Variants in CACNB4 observed in about 807,000 individuals in gnomAD.
CACNB4 encodes voltage-dependent L-type calcium channel subunit beta-4.
In CACNB4, 32 loss-of-function variants were observed where a neutral mutation model predicts 71.2. The observed-to-expected ratio is 0.45, with a 90% CI of 0.34 to 0.60. The LOEUF (loss-of-function observed/expected upper bound fraction) is 0.60. Among genes scored for constraint, CACNB4 ranks in the 20% least tolerant of loss-of-function variants. The pLI, the probability that CACNB4 is intolerant of heterozygous loss-of-function variation, is 0.01. For synonymous variants in CACNB4, 231 were observed against 236.9 expected, an observed-to-expected ratio of 0.97 and a Z score of 0.23; for missense variants, 464 against 647.9, an observed-to-expected ratio of 0.72 and a Z score of 3.08.
chr2:152,065,825 T>C (rs1037885295), intron 2 of CACNB4, among the ~76,000 whole-genome samples: 2 of 152,266 alleles, frequency 1.3e-5, no homozygotes, highest in Admixed American at 1.3e-4. Context: ...CACTGCAACC[T>C]CCAATTCCTG....
chr2:152,085,587 C>T (rs1359657805), intron 2 of CACNB4, among the ~76,000 whole-genome samples: 1 of 152,060 alleles, frequency 6.6e-6, no homozygotes, highest in East Asian at 1.9e-4. Context: ...CCCGGCTGGT[C>T]TCCACAGCTC....
At chr2:152,023,799 T>C (rs187247499) in intron 2 of CACNB4, among the ~76,000 whole-genome samples, 5 of 152,320 alleles carry the variant, frequency 3.3e-5, no homozygotes, top group Admixed American at 3.3e-4. Flanking sequence ...ACCGAAGCAA[T>C]GTGTGAAAAC....
intron 2 of CACNB4, among the ~76,000 whole-genome samples, chr2:151,958,543 T>C (rs1235773328): frequency 1.3e-5 from 2 of 152,218 alleles, no homozygotes; most frequent in Non-Finnish European, 2.9e-5. Context: ...CTCAGTGGCA[T>C]CACTGTCCAA....
chr2:152,050,491 C>T (rs1248294419), intron 2 of CACNB4, among the ~76,000 whole-genome samples: 1 of 152,148 alleles, frequency 6.6e-6, no homozygotes, highest in Non-Finnish European at 1.5e-5. Flanking sequence ...GTCGTTCAGA[C>T]CATTAACATT....
rs757646576 is a variant in CACNB4 at position 151,967,661 on chromosome 2, A to C, written c.148-84291T>G. 5.9e-5 allele frequency: 8 copies of C among 136,044 alleles called. No homozygotes were observed. In the Admixed American group the frequency reaches 6.0e-4, roughly 10 times the overall value. The allele number at this position is 136,044 out of a possible 1,614,324, so 8.4% of individuals were successfully genotyped here. On this transcript the variant is annotated intron_variant, in intron 2 of 13. Transcript: ENST00000539935. The stretch of plus-strand genomic sequence containing the variant: ...ATAACAGGCATAAGAAAGGCAAAAT[A>C]AGAGAACTGTTGTTTTTTTTTTTCC...
intron 2 of CACNB4, among the ~76,000 whole-genome samples, chr2:152,049,442 C>T (rs1685304764): frequency 6.6e-6 from 1 of 152,290 alleles, no homozygotes; most frequent in Non-Finnish European, 1.5e-5. Context: ...TGAGCCACTG[C>T]ACCCGGCCTG....
At chr2:152,045,909 A>C (rs1174137298) in intron 2 of CACNB4, among the ~76,000 whole-genome samples, 1 of 152,250 alleles carries the variant, frequency 6.6e-6, no homozygotes, top group Non-Finnish European at 1.5e-5. Context: ...ACATAGCTTG[A>C]AATAGAGGGG....
chr2:151,917,674 T>C (rs185642723), intron 2 of CACNB4, among the ~76,000 whole-genome samples: 5 of 151,736 alleles, frequency 3.3e-5, no homozygotes, highest in Admixed American at 2.0e-4. Flanking sequence ...CCATCTCTAC[T>C]AAAAATACAA....
At chr2:152,039,190 C>T (rs1251459819) in intron 2 of CACNB4, among the ~76,000 whole-genome samples, 2 of 151,896 alleles carry the variant, frequency 1.3e-5, no homozygotes, top group Non-Finnish European at 2.9e-5. Context: ...AGGCCGAGGC[C>T]GATGGATCAC....
rs894065675 is a variant in CACNB4, at chr2:151,939,188, G to C, written c.148-55818C>G. Among the ~76,000 whole-genome samples, 3 of 152,210 alleles carry C rather than the reference G, an allele frequency of 2.0e-5. No homozygotes were observed. The East Asian group carries it at 5.8e-4, about 29-fold the overall frequency. ...AAGCAGGAAGGCAGGGAGAAGAAAA[G>C]AGTCTACCCTCAGTTTTGACTTCCA... On this transcript the variant is annotated intron_variant, in intron 2 of 13. Transcript: ENST00000539935.
chr2:151,997,301 G>A (rs1682104473), intron 2 of CACNB4, among the ~76,000 whole-genome samples: 1 of 152,096 alleles, frequency 6.6e-6, no homozygotes, highest in African/African-American at 2.4e-5. Flanking sequence ...TTGGGAGGCT[G>A]AGGCAGGCGG....
chr2:151,943,526 A>G (rs1474589712), intron 2 of CACNB4, among the ~76,000 whole-genome samples: 1 of 152,208 alleles, frequency 6.6e-6, no homozygotes, highest in Non-Finnish European at 1.5e-5. Context: ...TGGAAGAAAA[A>G]AAAAACTATC....
At chr2:152,092,987 T>C (rs1688060709) in intron 2 of CACNB4, among the ~76,000 whole-genome samples, 1 of 152,192 alleles carries the variant, frequency 6.6e-6, no homozygotes, top group Non-Finnish European at 1.5e-5. Context: ...ATGTAGTCTC[T>C]TTCTCATTCT....
At chr2:151,958,153 A>C (rs2099868786) in intron 2 of CACNB4, among the ~76,000 whole-genome samples, 1 of 152,224 alleles carries the variant, frequency 6.6e-6, no homozygotes, top group African/African-American at 2.4e-5. Context: ...CTCATCTACC[A>C]CATATAAGAA....
chr2:151,913,765 C>CAAAAA (rs35438699), intron 2 of CACNB4, among the ~76,000 whole-genome samples: 2 of 120,498 alleles, frequency 1.7e-5, no homozygotes, highest in African/African-American at 6.5e-5. Context: ...GACTCCATCT[C>CAAAAA]AAAAAAAAAA....
intron 2 of CACNB4, among the ~76,000 whole-genome samples, chr2:151,884,362 G>T (rs901533786): frequency 2.0e-5 from 3 of 149,724 alleles, no homozygotes; most frequent in Non-Finnish European, 4.4e-5. Context: ...AGTGGCTCAC[G>T]CCTGTAATCT....
intron 10 of CACNB4, chr2:151,858,344 A>G (rs1450096401): frequency 6.6e-6 from 1 of 152,202 alleles, no homozygotes; most frequent in African/African-American, 2.4e-5. Flanking sequence ...AAACACTTCA[A>G]TGGCTCCCCA....
intron 2 of CACNB4, among the ~76,000 whole-genome samples, chr2:151,976,057 G>A (rs550494528): frequency 2.0e-4 from 31 of 152,320 alleles, no homozygotes; most frequent in African/African-American, 6.3e-4. Flanking sequence ...GAGCAGGGGC[G>A]CACTTTACGG....
At chr2:151,902,974 C>G (rs1031196514) in intron 2 of CACNB4, among the ~76,000 whole-genome samples, 5 of 152,084 alleles carry the variant, frequency 3.3e-5, no homozygotes, top group African/African-American at 1.2e-4. Context: ...CAATCTCTCT[C>G]GAAGGATTGC....
Sources: gnomAD v4.1 joint callset for allele counts (sites outside exome capture counted in the v4.1 genomes callset) on GRCh38, gnomAD v4.1.1 for gene constraint, MANE v1.5 for transcripts, NCBI Gene and HGNC (gene_info 2026-07-23, HGNC 2026-07-21) for gene names.